Variants in PLXDC2 observed in about 807,000 individuals in gnomAD.
PLXDC2 encodes the protein plexin domain-containing protein 2.
Under a neutral mutation model 68.9 loss-of-function variants are expected in PLXDC2, and 40 were observed. That is an observed-to-expected ratio of 0.58 (90% CI 0.45 to 0.76). The LOEUF (loss-of-function observed/expected upper bound fraction) is 0.76. Among genes scored for constraint, PLXDC2 ranks in the 30% least tolerant of loss-of-function variants. The probability of loss-of-function intolerance (pLI) is 0.00; values close to 1 mark genes in which losing one functional copy is unlikely to be tolerated. For missense variants in PLXDC2, 644 were observed against 661.9 expected, an observed-to-expected ratio of 0.97 and a Z score of 0.30; for synonymous variants, 243 against 234.2, an observed-to-expected ratio of 1.04 and a Z score of -0.34.
chr10:19,839,697 G>A lies in PLXDC2; in HGVS notation c.112+22506G>A, dbSNP rs141050126. 2.5e-3 allele frequency among the ~76,000 whole-genome samples: 380 copies of A among 151,652 alleles called. 9 individuals carry two copies. In the East Asian group the frequency reaches 0.053, roughly 21 times the overall value. On this transcript the variant is annotated intron_variant, in intron 1 of 13. Coordinates refer to ENST00000377252, the MANE Select transcript of PLXDC2 (RefSeq NM_032812.9). ...GAATTCTTAGTACCTGATCTGGGGC[G>A]TTCACCAATGGTAACTGTTACTTTT...
intron 6 of PLXDC2, among the ~76,000 whole-genome samples, chr10:20,150,834 C>G (rs1200282072): frequency 1.3e-5 from 2 of 152,060 alleles, no homozygotes; most frequent in Non-Finnish European, 2.9e-5. Context: ...TTTCTCTGTT[C>G]TTGGTTGGTA....
intron 13 of PLXDC2, among the ~76,000 whole-genome samples, chr10:20,268,664 G>A (rs1835899377): frequency 1.3e-5 from 2 of 152,156 alleles, no homozygotes; most frequent in South Asian, 4.1e-4. Context: ...GATTTCTTGA[G>A]CTTCACTTAG....
At chr10:19,900,678 G>T (rs1838143443) in intron 1 of PLXDC2, among the ~76,000 whole-genome samples, 1 of 151,902 alleles carries the variant, frequency 6.6e-6, no homozygotes, top group South Asian at 2.1e-4. Flanking sequence ...CTTTAGTGGT[G>T]ATTTCTGAGA....
chr10:19,918,812 T>C (rs182428100), intron 1 of PLXDC2, among the ~76,000 whole-genome samples: 5 of 152,358 alleles, frequency 3.3e-5, no homozygotes, highest in Non-Finnish European at 7.3e-5. Flanking sequence ...TGGATGAGAA[T>C]GGCTTCCCTT....
At chr10:19,856,579 C>A (rs1490403665) in intron 1 of PLXDC2, among the ~76,000 whole-genome samples, 1 of 152,156 alleles carries the variant, frequency 6.6e-6, no homozygotes, top group African/African-American at 2.4e-5. Context: ...GTAAGCGCAG[C>A]AAGGATTCAG....
At chr10:19,857,241 A>G (rs1837231267) in intron 1 of PLXDC2, among the ~76,000 whole-genome samples, 1 of 152,180 alleles carries the variant, frequency 6.6e-6, no homozygotes, top group South Asian at 2.1e-4. Flanking sequence ...GCTTCCCACA[A>G]TATAATTAAC....
At chr10:19,937,831 A>G (rs1260194925) in intron 1 of PLXDC2, among the ~76,000 whole-genome samples, 3 of 152,042 alleles carry the variant, frequency 2.0e-5, no homozygotes, top group African/African-American at 7.2e-5. Flanking sequence ...AGAAAGAGGC[A>G]GAGAAGGAGG....
At chr10:20,002,559 C>G (rs1215257743) in intron 2 of PLXDC2, among the ~76,000 whole-genome samples, 2 of 152,010 alleles carry the variant, frequency 1.3e-5, no homozygotes, top group Non-Finnish European at 2.9e-5. Flanking sequence ...TCACCTGGTC[C>G]TGTGTAACAG....
At chr10:19,947,713 T>C (rs1194608282) in intron 1 of PLXDC2, among the ~76,000 whole-genome samples, 2 of 150,344 alleles carry the variant, frequency 1.3e-5, no homozygotes. Flanking sequence ...CTTTCTTTTT[T>C]TTTTTTTTTT....
intron 6 of PLXDC2, among the ~76,000 whole-genome samples, chr10:20,150,309 T>C (rs953468783): frequency 1.3e-5 from 2 of 152,192 alleles, no homozygotes; most frequent in Non-Finnish European, 2.9e-5. Flanking sequence ...TTTACATTCC[T>C]TTGGTTATAT....
At chr10:20,019,127 A>AT (rs1405888071) in intron 2 of PLXDC2, among the ~76,000 whole-genome samples, 3 of 151,400 alleles carry the variant, frequency 2.0e-5, no homozygotes. Context: ...TTAAGAAAAA[A>AT]TTTTTTAAAT....
At chr10:20,039,357 C>T (rs150752071) in intron 2 of PLXDC2, among the ~76,000 whole-genome samples, 289 of 152,196 alleles carry the variant, frequency 1.9e-3, no homozygotes, top group African/African-American at 6.8e-3. Flanking sequence ...TCTTTTAATG[C>T]TGATTTTATT....
intron 3 of PLXDC2, among the ~76,000 whole-genome samples, chr10:20,054,977 A>C (rs1243731825): frequency 6.6e-6 from 1 of 152,146 alleles, no homozygotes; most frequent in African/African-American, 2.4e-5. Flanking sequence ...ACTGTTTGCC[A>C]GACATAAACA....
intron 11 of PLXDC2, among the ~76,000 whole-genome samples, chr10:20,217,809 G>A (rs11597326): frequency 1.3e-5 from 2 of 151,598 alleles, no homozygotes; most frequent in Non-Finnish European, 2.9e-5. Flanking sequence ...CTTTTTTTAA[G>A]ACATAGCTTT....
At chr10:20,016,360 C>T (rs754218902) in intron 2 of PLXDC2, among the ~76,000 whole-genome samples, 3 of 152,170 alleles carry the variant, frequency 2.0e-5, no homozygotes, top group South Asian at 2.1e-4. Context: ...GGAAGTAAAA[C>T]GGAGTCCATG....
intron 3 of PLXDC2, among the ~76,000 whole-genome samples, chr10:20,058,752 A>G (rs1489252612): frequency 6.6e-6 from 1 of 152,208 alleles, no homozygotes; most frequent in East Asian, 1.9e-4. Flanking sequence ...GGATGTCACA[A>G]AAACATCACA....
At chr10:19,932,937 C>A (rs1420044641) in intron 1 of PLXDC2, among the ~76,000 whole-genome samples, 1 of 152,130 alleles carries the variant, frequency 6.6e-6, no homozygotes, top group Non-Finnish European at 1.5e-5. Context: ...TGTTCAGTTA[C>A]CTTTTGTATT....
At chr10:20,130,923 T>C (rs117223809) in intron 4 of PLXDC2, among the ~76,000 whole-genome samples, 1 of 152,204 alleles carries the variant, frequency 6.6e-6, no homozygotes, top group African/African-American at 2.4e-5. Flanking sequence ...ATCAGGGATA[T>C]TGACCTGTAG....
At chr10:20,251,630 A>T (rs973240659) in intron 13 of PLXDC2, among the ~76,000 whole-genome samples, 2 of 152,202 alleles carry the variant, frequency 1.3e-5, no homozygotes. Context: ...AATAAAATAC[A>T]TAAAATGTAA....
Sources: gnomAD v4.1 joint callset for allele counts (sites outside exome capture counted in the v4.1 genomes callset) on GRCh38, gnomAD v4.1.1 for gene constraint, MANE v1.5 for transcripts, NCBI Gene and HGNC (gene_info 2026-07-23, HGNC 2026-07-21) for gene names.